LRP1B: variants seen among roughly 807,000 people sequenced by gnomAD.
The protein encoded by LRP1B is low-density lipoprotein receptor-related protein 1B.
LRP1B carries 217 observed loss-of-function variants against 556.6 expected under a neutral mutation model. The ratio of observed to expected loss-of-function variants is 0.39; its 90% CI spans 0.35 to 0.44. The LOEUF (loss-of-function observed/expected upper bound fraction) is 0.44, where lower values mean the gene tolerates loss of function less well. Among genes scored for constraint, LRP1B ranks in the 20% least tolerant of loss-of-function variants. The pLI is 1.00. For missense variants in LRP1B, 5,053 were observed against 5,620.8 expected (o/e 0.90, Z 3.23); for synonymous variants, 2,047 against 1,865.8 (o/e 1.10, Z -2.50).
intron 11 of LRP1B, among the ~76,000 whole-genome samples, chr2:141,023,781 G>T (rs1698137009): frequency 6.6e-6 from 1 of 151,904 alleles, no homozygotes. Context: ...CATATAATAA[G>T]AAACTGACTA....
intron 1 of LRP1B, among the ~76,000 whole-genome samples, chr2:141,903,358 G>A (rs542080579): frequency 6.6e-6 from 1 of 151,848 alleles, no homozygotes; most frequent in East Asian, 1.9e-4. Flanking sequence ...TGGATTCTGG[G>A]CTTCCAGCTC....
intron 41 of LRP1B, among the ~76,000 whole-genome samples, chr2:140,652,060 T>TA (rs536139060): frequency 1.3e-5 from 2 of 151,510 alleles, no homozygotes; most frequent in African/African-American, 2.4e-5. Flanking sequence ...AGAGATTTTA[T>TA]AAAAAAAAGT....
At chr2:140,407,830 A>G (rs1190472916) in intron 66 of LRP1B, among the ~76,000 whole-genome samples, 3 of 152,026 alleles carry the variant, frequency 2.0e-5, no homozygotes, top group African/African-American at 7.2e-5. Flanking sequence ...ACTACTGGGT[A>G]CCTATCCAAA....
chr2:140,942,679 C>A (rs535339514), intron 20 of LRP1B, among the ~76,000 whole-genome samples: 1 of 149,458 alleles, frequency 6.7e-6, no homozygotes, highest in Non-Finnish European at 1.5e-5. Context: ...TCATATCCTG[C>A]CAAACTAAGC....
intron 1 of LRP1B, among the ~76,000 whole-genome samples, chr2:141,971,261 T>C (rs1308372147): frequency 6.6e-6 from 1 of 151,534 alleles, no homozygotes; most frequent in Non-Finnish European, 1.5e-5. Context: ...GAAAGGTATG[T>C]TCCCTGGTGA....
chr2:141,731,515 G>A (rs1168458123), intron 2 of LRP1B, among the ~76,000 whole-genome samples: 5 of 152,076 alleles, frequency 3.3e-5, no homozygotes, highest in African/African-American at 1.2e-4. Flanking sequence ...CCGAGTCAGC[G>A]TATAAAGCCA....
intron 41 of LRP1B, among the ~76,000 whole-genome samples, chr2:140,654,019 C>A (rs565522972): frequency 1.4e-3 from 158 of 111,634 alleles, no homozygotes; most frequent in African/African-American, 5.9e-3. Context: ...GAGCAAGACT[C>A]CATCTCAAAA....
intron 2 of LRP1B, among the ~76,000 whole-genome samples, chr2:141,659,907 T>C (rs1690150166): frequency 6.6e-6 from 1 of 151,974 alleles, no homozygotes; most frequent in Middle Eastern, 3.4e-3. Flanking sequence ...ATAAAAGCAT[T>C]GAAAACAGGT....
chr2:141,772,432 C>T (rs973084620), intron 2 of LRP1B, among the ~76,000 whole-genome samples: 2 of 151,996 alleles, frequency 1.3e-5, no homozygotes, highest in African/African-American at 4.8e-5. Context: ...TGAGAGTATT[C>T]CCAAAGTGTG....
intron 43 of LRP1B, among the ~76,000 whole-genome samples, chr2:140,592,134 A>G (rs1682252896): frequency 6.6e-6 from 1 of 152,188 alleles, no homozygotes; most frequent in African/African-American, 2.4e-5. Flanking sequence ...TTTATATTAT[A>G]GTTCAGGTAC....
chr2:141,825,359 T>C (rs1696887387), intron 1 of LRP1B, among the ~76,000 whole-genome samples: 1 of 152,206 alleles, frequency 6.6e-6, no homozygotes, highest in South Asian at 2.1e-4. Context: ...TTTATGATTT[T>C]GTCAAGAATC....
intron 86 of LRP1B, among the ~76,000 whole-genome samples, chr2:140,248,622 T>A (rs1250571767): frequency 1.3e-5 from 2 of 151,688 alleles, no homozygotes; most frequent in African/African-American, 4.8e-5. Flanking sequence ...AATAGGGATA[T>A]TTTCAAATCA....
At chr2:141,699,929 C>T (rs1163385922) in intron 2 of LRP1B, among the ~76,000 whole-genome samples, 4 of 149,812 alleles carry the variant, frequency 2.7e-5, no homozygotes, top group Non-Finnish European at 5.9e-5. Flanking sequence ...CCTTTGTCAT[C>T]TGCTGATTTA....
chr2:140,811,030 C>T (rs180676429), intron 32 of LRP1B, among the ~76,000 whole-genome samples: 17 of 152,200 alleles, frequency 1.1e-4, no homozygotes, highest in Admixed American at 5.9e-4. Flanking sequence ...CCACTGTGCC[C>T]GGCCAAGAGG....
intron 2 of LRP1B, among the ~76,000 whole-genome samples, chr2:141,513,430 C>G (rs1284506698): frequency 6.6e-6 from 1 of 151,318 alleles, no homozygotes; most frequent in Admixed American, 6.6e-5. Context: ...TGAACATTGA[C>G]TTGCTTAAAC....
chr2:140,585,875 C>T (rs1196301353), intron 43 of LRP1B, among the ~76,000 whole-genome samples: 3 of 152,086 alleles, frequency 2.0e-5, no homozygotes, highest in African/African-American at 7.2e-5. Flanking sequence ...ATTTCAATGT[C>T]TTTGGCCTGC....
chr2:141,358,265 A>C (rs1372744941), intron 3 of LRP1B, among the ~76,000 whole-genome samples: 1 of 152,218 alleles, frequency 6.6e-6, no homozygotes, highest in African/African-American at 2.4e-5. Flanking sequence ...AAGCTACCTC[A>C]AAATTTGGAA....
At chr2:141,958,345 A>G (rs1284683348) in intron 1 of LRP1B, among the ~76,000 whole-genome samples, 1 of 151,914 alleles carries the variant, frequency 6.6e-6, no homozygotes, top group Non-Finnish European at 1.5e-5. Context: ...ACAAAATGCA[A>G]CCTCAGTTCT....
At chr2:140,898,994 T>G in intron 23 of LRP1B, 1 of 371,174 alleles carries the variant, frequency 2.7e-6, no homozygotes, top group Non-Finnish European at 5.3e-6. Flanking sequence ...GAGCTCAGCA[T>G]GCTTTCACAG....
Sources: allele counts gnomAD v4.1 joint callset (sites outside exome capture counted in the v4.1 genomes callset), GRCh38; gene constraint gnomAD v4.1.1; transcripts MANE v1.5; gene names NCBI Gene and HGNC (gene_info 2026-07-23, HGNC 2026-07-21).